The following SLC6A9 variants were observed in gnomAD, a reference collection of about 807,000 sequenced individuals.
SLC6A9 encodes sodium- and chloride-dependent glycine transporter 1.
In SLC6A9, 31 loss-of-function variants were observed where a neutral mutation model predicts 70.9. The observed-to-expected ratio is 0.44, with a 90% CI of 0.33 to 0.59. SLC6A9 has a LOEUF of 0.59. Ranked by LOEUF, SLC6A9 falls within the 20% of genes least tolerant of loss-of-function variation. SLC6A9 has a pLI of 0.04. For synonymous variants in SLC6A9, 310 were observed against 341.3 expected (o/e 0.91, Z 1.01); for missense variants, 631 against 845.2 (o/e 0.75, Z 3.14).
chr1:44,027,315 G>A (rs1387083086), intron 1 of SLC6A9, among the ~76,000 whole-genome samples: 1 of 152,178 alleles, frequency 6.6e-6, no homozygotes, highest in Admixed American at 6.5e-5. Flanking sequence ...TAACCTCTTT[G>A]AGCCTTAGTT....
chr1:44,001,342 T>C (rs752405184), intron 9 of SLC6A9, 44 bp from the exon 10 acceptor site: 4 of 1,613,556 alleles, frequency 2.5e-6, no homozygotes, highest in South Asian at 2.2e-5. Flanking sequence ...CCCTTGTTCC[T>C]GTCCCCTCCC....
intron 1 of SLC6A9, among the ~76,000 whole-genome samples, chr1:44,027,648 G>T (rs2087006000): frequency 6.6e-6 from 1 of 152,186 alleles, no homozygotes; most frequent in Non-Finnish European, 1.5e-5. Flanking sequence ...CAGACTAAGG[G>T]GCAAGAGTTA....
intron 2 of SLC6A9, among the ~76,000 whole-genome samples, chr1:44,020,636 G>C (rs908801361): frequency 6.6e-6 from 1 of 152,224 alleles, no homozygotes; most frequent in Non-Finnish European, 1.5e-5. Flanking sequence ...TCCAAGGTGT[G>C]CCAAACCCTG....
At chr1:44,000,673 G>A (rs2086056924) in intron 12 of SLC6A9, 94 bp downstream of exon 12, 1 of 807,256 alleles carries the variant, frequency 1.2e-6, no homozygotes, top group African/African-American at 1.7e-5. Flanking sequence ...CCGGCCAGGT[G>A]CGGGAGCTCC....
chr1:44,003,625 G>A (rs1430191901), intron 5 of SLC6A9, among the ~76,000 whole-genome samples: 1 of 151,968 alleles, frequency 6.6e-6, no homozygotes, highest in African/African-American at 2.4e-5. Flanking sequence ...GCGGGTGCCT[G>A]TAATCCCAGC....
intron 3 of SLC6A9, 98 bp downstream of exon 3, chr1:44,010,628 T>G: frequency 8.0e-7 from 1 of 1,246,532 alleles, no homozygotes; most frequent in Non-Finnish European, 1.1e-6. Flanking sequence ...AGGCCAGCCT[T>G]TATCTGGAGT....
intron 2 of SLC6A9, chr1:44,014,820 C>T (rs1264433788): frequency 6.6e-6 from 1 of 152,118 alleles, no homozygotes; most frequent in South Asian, 2.1e-4. Context: ...GCCACTTCCA[C>T]TCTTGGTATC....
intron 2 of SLC6A9, among the ~76,000 whole-genome samples, chr1:44,017,597 G>A (rs890831361): frequency 6.6e-6 from 1 of 152,158 alleles, no homozygotes; most frequent in African/African-American, 2.4e-5. Context: ...CAGTCCACAG[G>A]GCACCACCAG....
Position 44,001,450 on chromosome 1 carries a change from G to T in SLC6A9, c.1140C>A (p.Ile380=). 6.2e-7 allele frequency: 1 copy of T among 1,614,172 alleles called. No homozygotes were observed. Among genetic ancestry groups the T allele is most frequent in the South Asian group, 1.1e-5 (1 of 91,084 alleles). The part of the protein sequence containing the change: ...AYPEALTLLP[I]SPLWSLLFFF... ...AGAAGAGCAGAGACCACAGCGGGGA[G>T]ATGGGAAGTAGTGTGAGGGCCTCGG... The change falls in exon 9 of 14, where the codon ATC becomes ATA. Residue 380 remains isoleucine (I), a synonymous_variant. Coordinates refer to ENST00000372310, the MANE Select transcript of SLC6A9 (RefSeq NM_001024845.3).
chr1:44,017,796 CAA>C (rs1557691472), intron 2 of SLC6A9, among the ~76,000 whole-genome samples: 1 of 152,244 alleles, frequency 6.6e-6, no homozygotes, highest in Non-Finnish European at 1.5e-5. Context: ...GCTGTCTGGA[CAA>C]AGATGGCATT....
At chr1:44,017,221 A>T (rs202226197) in intron 2 of SLC6A9, 3 of 1,522,850 alleles carry the variant, frequency 2.0e-6, no homozygotes, top group African/African-American at 1.4e-5. Flanking sequence ...CTTTCACCTC[A>T]TCTCCTCCCG....
rs1469028659 is a variant in SLC6A9, at chr1:44,017,409, A to C, written c.31-6527T>G. 8 of 1,094,368 alleles carry C rather than the reference A, an allele frequency of 7.3e-6. No homozygotes were observed. In the East Asian group the frequency reaches 3.8e-4, roughly 53 times the overall value. 67.8% of individuals were successfully genotyped at this position (1,094,368 alleles called of 1,614,324 possible). A position where few individuals can be genotyped will look rare whatever the true frequency, so the allele number is the denominator to read the frequency against. On this transcript the variant is annotated intron_variant, in intron 2 of 13. Transcript: ENST00000372310. Reference sequence around the variant, plus strand: ...CACACACACACACACACACACACACAGACTGGGGCAGAGCAGGCGAGAGGG... The same window carrying C: ...CACACACACACACACACACACACACCGACTGGGGCAGAGCAGGCGAGAGGG...
At position 44,018,077 on chromosome 1, in the gene SLC6A9, C is replaced by T. The variant is rs551229270; in HGVS notation, c.30+6171G>A. ...CCCAAGATACCTCAGACCAGTGGCTCGGAAGGTGGGCATATGCATTCCGGT... is the reference window on the plus strand; with the variant it reads ...CCCAAGATACCTCAGACCAGTGGCTTGGAAGGTGGGCATATGCATTCCGGT... On this transcript the variant is annotated intron_variant, in intron 2 of 13. Transcript: ENST00000372310. This position sits in a 1 kb window ranked among gnomAD's most constrained non-coding sequence, Gnocchi z 4.2. 4.6e-5 allele frequency among the ~76,000 whole-genome samples: 7 copies of T among 152,270 alleles called. No individual in the cohort carries two copies. In the East Asian group the frequency reaches 5.8e-4, roughly 13 times the overall value.
intron 5 of SLC6A9, among the ~76,000 whole-genome samples, chr1:44,005,671 A>C (rs1242101642): frequency 6.6e-6 from 1 of 152,218 alleles, no homozygotes; most frequent in Non-Finnish European, 1.5e-5. Flanking sequence ...CTTAACCTCT[A>C]AACGGCAGTT....
At position 43,997,652 on chromosome 1, in the gene SLC6A9, G is replaced by A. The variant is rs201488251; in HGVS notation, c.1795C>T (p.Pro599Ser). The change falls in exon 14 of 14, where the codon CCC becomes TCC. Residue 599 changes from proline to serine, a missense_variant. Physicochemically the swap from Pro to Ser is moderately conservative, Grantham distance 74. Coordinates refer to ENST00000372310, the MANE Select transcript of SLC6A9 (RefSeq NM_001024845.3). This position sits in a 1 kb window ranked among gnomAD's most constrained non-coding sequence, Gnocchi z 4.4. ...ACCTCGAAGCCGTCCTCAGGAGAGG[G>A]GGCTATGGTGGGGGCGTAGCGCCCT... Reference protein sequence around the residue: ...RTGRYAPTIAPSPEDGFEVQP... With the variant: ...RTGRYAPTIASSPEDGFEVQP... 3 of 1,614,040 alleles carry A rather than the reference G, an allele frequency of 1.9e-6. No homozygotes were observed. The highest frequency in any genetic ancestry group is 1.1e-5 in the South Asian group (1 of 91,090).
intron 2 of SLC6A9, among the ~76,000 whole-genome samples, 189 bp from the exon 3 acceptor site, chr1:44,011,071 C>G (rs924676233): frequency 1.3e-5 from 2 of 152,222 alleles, no homozygotes; most frequent in Non-Finnish European, 2.9e-5. Flanking sequence ...CAGAGGGCGC[C>G]AAGCAGAGCT....
At chr1:44,017,074 T>C in intron 2 of SLC6A9, 1 of 1,603,048 alleles carries the variant, frequency 6.2e-7, no homozygotes, top group Non-Finnish European at 8.5e-7. Flanking sequence ...GGGCCACAGG[T>C]CCATGAGCCG....
intron 5 of SLC6A9, among the ~76,000 whole-genome samples, chr1:44,003,430 A>G (rs2086193555): frequency 6.6e-6 from 1 of 152,226 alleles, no homozygotes; most frequent in African/African-American, 2.4e-5. Flanking sequence ...TCTATCTCTG[A>G]TAAATTGAGG....
intron 1 of SLC6A9, 138 bp downstream of exon 1, chr1:44,031,166 TCA>T (rs66939562): frequency 0.13 from 19,443 of 148,042 alleles, 1,681 homozygotes; most frequent in East Asian, 0.33. Context: ...ACATGCGCGA[TCA>T]CACACACACA....
Sources: allele counts gnomAD v4.1 joint callset (sites outside exome capture counted in the v4.1 genomes callset), GRCh38; gene constraint gnomAD v4.1.1; non-coding constraint Gnocchi (gnomAD v3.1); transcripts MANE v1.5; gene names NCBI Gene and HGNC (gene_info 2026-07-23, HGNC 2026-07-21).